SIPA1L3: variants seen among roughly 807,000 people sequenced by gnomAD.
The protein encoded by SIPA1L3 is signal-induced proliferation-associated 1-like protein 3.
SIPA1L3 carries 59 observed loss-of-function variants against 150.1 expected under a neutral mutation model. The ratio of observed to expected loss-of-function variants is 0.39; its 90% CI spans 0.32 to 0.49. SIPA1L3 has a LOEUF of 0.49. Among genes scored for constraint, SIPA1L3 ranks in the 20% least tolerant of loss-of-function variants. The pLI is 0.86. For missense variants in SIPA1L3, 2,211 were observed against 2,489.5 expected (o/e 0.89, Z 2.38); for synonymous variants, 1,070 against 1,077.6 (o/e 0.99, Z 0.14).
At chr19:38,115,121 T>C (rs1970854722) in intron 8 of SIPA1L3, among the ~76,000 whole-genome samples, 1 of 152,132 alleles carries the variant, frequency 6.6e-6, no homozygotes, top group African/African-American at 2.4e-5. Context: ...GGAACCTTTA[T>C]CCACCCCCAA....
chr19:38,127,914 G>A (rs755575839), intron 9 of SIPA1L3, among the ~76,000 whole-genome samples: 1 of 151,908 alleles, frequency 6.6e-6, no homozygotes, highest in African/African-American at 2.4e-5. Context: ...TTATTTCTTC[G>A]CATTTCTGGA....
At chr19:38,123,035 A>T (rs1971058801) in intron 9 of SIPA1L3, among the ~76,000 whole-genome samples, 1 of 152,206 alleles carries the variant, frequency 6.6e-6, no homozygotes, top group African/African-American at 2.4e-5. Context: ...CTGAGTGAGC[A>T]GGAACCGAGT....
intron 1 of SIPA1L3, among the ~76,000 whole-genome samples, chr19:38,011,545 CT>C (rs879471284): frequency 2.6e-5 from 4 of 152,166 alleles, no homozygotes; most frequent in Non-Finnish European, 5.9e-5. Context: ...TAGGGGCCCC[CT>C]GATCTGGGTG....
chr19:38,062,633 G>T (rs1376463377), intron 2 of SIPA1L3, among the ~76,000 whole-genome samples: 2 of 141,274 alleles, frequency 1.4e-5, no homozygotes, highest in African/African-American at 2.6e-5. Flanking sequence ...TTTTTTTTTT[G>T]AGAAAGAGTC....
chr19:38,058,511 C>A (rs1568525522), intron 2 of SIPA1L3, among the ~76,000 whole-genome samples: 1 of 152,124 alleles, frequency 6.6e-6, no homozygotes, highest in South Asian at 2.1e-4. Flanking sequence ...GAGGGTGCCC[C>A]GCTCTCCCTG....
chr19:38,000,511 A>T (rs1187887702), intron 1 of SIPA1L3, among the ~76,000 whole-genome samples: 1 of 147,880 alleles, frequency 6.8e-6, no homozygotes, highest in Non-Finnish European at 1.5e-5. Context: ...ACCTCGGTTT[A>T]TAAATAGTGG....
chr19:37,930,212 G>A (rs376925007), intron 1 of SIPA1L3, among the ~76,000 whole-genome samples: 4 of 151,908 alleles, frequency 2.6e-5, no homozygotes, highest in Admixed American at 6.6e-5. Context: ...TAGTAGAGAC[G>A]GGGTTTCACT....
chr19:38,178,086 GGTGTGTGTGTGTGTGTGTGTGTGTGT>G (rs765404105), intron 15 of SIPA1L3, among the ~76,000 whole-genome samples: 3 of 130,950 alleles, frequency 2.3e-5, no homozygotes, highest in East Asian at 2.3e-4. Flanking sequence ...GCAGGCTTTT[GGTGTGTGTGTGTGTGTGTGTGTGTGT>G]GTGTGTGTGT....
At chr19:38,169,207 G>A (rs547253561) in intron 15 of SIPA1L3, among the ~76,000 whole-genome samples, 1 of 152,208 alleles carries the variant, frequency 6.6e-6, no homozygotes, top group African/African-American at 2.4e-5. Flanking sequence ...TGACCAACAC[G>A]GTGAAACCCC....
At chr19:38,147,397 CTTTT>C (rs1277045051) in intron 12 of SIPA1L3, among the ~76,000 whole-genome samples, 1 of 151,936 alleles carries the variant, frequency 6.6e-6, no homozygotes, top group Non-Finnish European at 1.5e-5. Flanking sequence ...CCCAAATTAT[CTTTT>C]TTTTATTATT....
At chr19:38,124,491 G>A (rs1371860752) in intron 9 of SIPA1L3, among the ~76,000 whole-genome samples, 5 of 150,590 alleles carry the variant, frequency 3.3e-5, no homozygotes, top group African/African-American at 4.9e-5. Flanking sequence ...GATGGCAGCC[G>A]GGCAGAGACG....
intron 1 of SIPA1L3, among the ~76,000 whole-genome samples, chr19:37,908,448 T>G (rs1228206394): frequency 6.6e-6 from 1 of 152,042 alleles, no homozygotes; most frequent in Non-Finnish European, 1.5e-5. Context: ...AGCCCTGAGC[T>G]CCCCCACACA....
intron 1 of SIPA1L3, among the ~76,000 whole-genome samples, chr19:37,960,906 T>A (rs1389313658): frequency 1.3e-5 from 2 of 151,898 alleles, no homozygotes; most frequent in African/African-American, 4.8e-5. Context: ...TCTTGCTCTG[T>A]CACCCAGGCT....
Position 38,082,865 on chromosome 19 carries a change from A to G in SIPA1L3, c.1300A>G (p.Ile434Val), listed in dbSNP as rs1970035691. 3 of 1,613,456 alleles carry G rather than the reference A, an allele frequency of 1.9e-6. No homozygotes were observed. ...LLSCPHFRNEIGGECERNVSF... is the reference protein window; with the variant it reads ...LLSCPHFRNEVGGECERNVSF... ...CAGCTGCCCGCACTTCCGCAATGAGATCGGGGGCGAGTGTGAGCGCAACGT... is the reference window on the plus strand; with the variant it reads ...CAGCTGCCCGCACTTCCGCAATGAGGTCGGGGGCGAGTGTGAGCGCAACGT... Residue 434 changes from isoleucine (I) to valine (V), a missense_variant, in exon 3 of 22, where the codon ATC becomes GTC. Coordinates refer to ENST00000222345, the MANE Select transcript of SIPA1L3 (RefSeq NM_015073.3).
At position 38,039,974 on chromosome 19, in the gene SIPA1L3, G is replaced by A. The variant is rs1005939865; in HGVS notation, c.-311+10818G>A. Among the ~76,000 whole-genome samples, 5 of 152,114 alleles carry A rather than the reference G, an allele frequency of 3.3e-5. No individual in the cohort carries two copies. The South Asian group carries it at 6.2e-4, about 19-fold the overall frequency. On this transcript the variant is annotated intron_variant, in intron 2 of 21. Transcript: ENST00000222345. ...CTACAAAGAAAAAAAATAGCCAAGT[G>A]TGGTGGTGTGTGCCTGTGGTCGCAG...
chr19:38,148,794 G>A (rs1480585147), intron 12 of SIPA1L3, among the ~76,000 whole-genome samples: 1 of 152,146 alleles, frequency 6.6e-6, no homozygotes, highest in Admixed American at 6.5e-5. Context: ...CTTCTGCCTG[G>A]AGACATCTGA....
At chr19:38,013,650 A>G (rs1968162217) in intron 1 of SIPA1L3, among the ~76,000 whole-genome samples, 1 of 152,220 alleles carries the variant, frequency 6.6e-6, no homozygotes, top group South Asian at 2.1e-4. Context: ...TTTTTCATAA[A>G]CAGCCTTTGA....
intron 1 of SIPA1L3, among the ~76,000 whole-genome samples, chr19:37,951,476 GGATGATTACA>G (rs1159691195): frequency 6.6e-6 from 1 of 152,014 alleles, no homozygotes; most frequent in Non-Finnish European, 1.5e-5. Context: ...TTAGTTGGTA[GGATGATTACA>G]GATTATTTTC....
intron 2 of SIPA1L3, among the ~76,000 whole-genome samples, chr19:38,067,739 A>G (rs1969628224): frequency 6.6e-6 from 1 of 150,906 alleles, no homozygotes; most frequent in African/African-American, 2.4e-5. Flanking sequence ...TCCAGCCTGG[A>G]TGACAGAGTG....
Sources: allele counts gnomAD v4.1 joint callset (sites outside exome capture counted in the v4.1 genomes callset), GRCh38; gene constraint gnomAD v4.1.1; transcripts MANE v1.5; gene names NCBI Gene and HGNC (gene_info 2026-07-23, HGNC 2026-07-21).